The following LNX1 variants were observed in gnomAD, a reference collection of about 807,000 sequenced individuals.
LNX1 encodes E3 ubiquitin-protein ligase LNX.
In LNX1, 54 loss-of-function variants were observed where a neutral mutation model predicts 68.4. The ratio of observed to expected loss-of-function variants is 0.79; its 90% CI spans 0.63 to 0.99. LNX1 has a LOEUF of 0.99. Ranked by LOEUF, LNX1 falls within the 50% of genes least tolerant of loss-of-function variation. The probability of loss-of-function intolerance (pLI) is 0.00; values close to 1 mark genes in which losing one functional copy is unlikely to be tolerated. For synonymous variants in LNX1, 336 were observed against 350.0 expected (o/e 0.96, Z 0.45); for missense variants, 906 against 926.4 (o/e 0.98, Z 0.29).
chr4:53,513,693 T>A (rs557570084), intron 2 of LNX1, among the ~76,000 whole-genome samples: 1 of 152,334 alleles, frequency 6.6e-6, no homozygotes, highest in Admixed American at 6.5e-5. Context: ...CTACTTTTCA[T>A]CATGGCTACT....
intron 9 of LNX1, among the ~76,000 whole-genome samples, chr4:53,465,648 TGTG>T (rs1335080182): frequency 6.6e-6 from 1 of 152,248 alleles, no homozygotes; most frequent in Non-Finnish European, 1.5e-5. Context: ...CAGAGCTAGT[TGTG>T]TTTATTGCCA....
chr4:53,640,208 T>C (rs981731133), intron 1 of LNX1, among the ~76,000 whole-genome samples: 1 of 152,158 alleles, frequency 6.6e-6, no homozygotes, highest in Non-Finnish European at 1.5e-5. Flanking sequence ...TTTGTAGATT[T>C]ACGTATTAAA....
chr4:53,542,446 G>T (rs1359899247), intron 2 of LNX1, among the ~76,000 whole-genome samples: 1 of 152,148 alleles, frequency 6.6e-6, no homozygotes, highest in Non-Finnish European at 1.5e-5. Flanking sequence ...AACTAAGGGG[G>T]CATTAAGCCC....
intron 2 of LNX1, chr4:53,616,497 G>A (rs1436728279): frequency 6.6e-6 from 1 of 152,130 alleles, no homozygotes; most frequent in Non-Finnish European, 1.5e-5. Flanking sequence ...AGAATGAATG[G>A]TCTGATTCAT....
intron 2 of LNX1, among the ~76,000 whole-genome samples, chr4:53,565,229 T>A (rs1386871226): frequency 6.6e-6 from 1 of 152,110 alleles, no homozygotes; most frequent in African/African-American, 2.4e-5. Flanking sequence ...CAGTAACCTC[T>A]GCAGACTTAA....
At chr4:53,588,553 A>G (rs1732312032) in intron 1 of LNX1, among the ~76,000 whole-genome samples, 1 of 152,072 alleles carries the variant, frequency 6.6e-6, no homozygotes, top group Non-Finnish European at 1.5e-5. Context: ...AATGAATAAG[A>G]TTGATATTTT....
chr4:53,645,541 GC>G (rs1423533986), intron 1 of LNX1, among the ~76,000 whole-genome samples: 1 of 152,162 alleles, frequency 6.6e-6, no homozygotes, highest in Admixed American at 6.5e-5. Context: ...AGACATTGAG[GC>G]ACGTTGCAAA....
At chr4:53,577,712 G>A (rs1002209002) in intron 1 of LNX1, among the ~76,000 whole-genome samples, 3 of 151,854 alleles carry the variant, frequency 2.0e-5, no homozygotes, top group African/African-American at 4.8e-5. Context: ...ACCACACCCC[G>A]CCTGCCATTA....
At chr4:53,500,546 T>C (rs772533928) in intron 4 of LNX1, 13 of 152,186 alleles carry the variant, frequency 8.5e-5, no homozygotes, top group South Asian at 8.3e-4. Flanking sequence ...TTTTCCCTAA[T>C]GAATTAATAA....
At chr4:53,504,217 C>CTACAATCAGCATTTGCTGCTTCGT (rs1725711358) in intron 4 of LNX1, among the ~76,000 whole-genome samples, 1 of 152,236 alleles carries the variant, frequency 6.6e-6, no homozygotes, top group Non-Finnish European at 1.5e-5. Context: ...GCTGCAGCTT[C>CTACAATCAGCATTTGCTGCTTCGT]TACAATCAGC....
intron 7 of LNX1, among the ~76,000 whole-genome samples, chr4:53,479,155 T>C (rs1355308941): frequency 2.0e-5 from 3 of 152,198 alleles, no homozygotes; most frequent in African/African-American, 7.2e-5. Flanking sequence ...CCTCCCAAAG[T>C]GCTGGGATTA....
chr4:53,634,591 C>T (rs1734395918), intron 1 of LNX1, among the ~76,000 whole-genome samples: 1 of 151,982 alleles, frequency 6.6e-6, no homozygotes, highest in African/African-American at 2.4e-5. Context: ...TCCCTTTCCT[C>T]TGGGAGTACC....
intron 1 of LNX1, among the ~76,000 whole-genome samples, chr4:53,632,377 T>C (rs1287083770): frequency 6.6e-6 from 1 of 152,228 alleles, no homozygotes; most frequent in Non-Finnish European, 1.5e-5. Context: ...TGGCTGCTGA[T>C]GGCTTATGGC....
At chr4:53,638,923 T>G (rs1395809245) in intron 1 of LNX1, among the ~76,000 whole-genome samples, 6 of 152,190 alleles carry the variant, frequency 3.9e-5, no homozygotes, top group Admixed American at 2.0e-4. Context: ...GGAAAGCAGT[T>G]TGGAGATTTC....
intron 2 of LNX1, among the ~76,000 whole-genome samples, chr4:53,510,776 T>G (rs1430344281): frequency 6.6e-6 from 1 of 152,216 alleles, no homozygotes; most frequent in Non-Finnish European, 1.5e-5. Context: ...GAGGCAGCAA[T>G]GCTCTTGACC....
intron 2 of LNX1, among the ~76,000 whole-genome samples, chr4:53,532,617 T>C (rs1024593386): frequency 5.3e-5 from 8 of 152,158 alleles, no homozygotes; most frequent in Non-Finnish European, 1.0e-4. Context: ...CCATAGGAAA[T>C]TCTCCTCATG....
At chr4:53,605,196 G>A (rs572699651) in intron 2 of LNX1, among the ~76,000 whole-genome samples, 2 of 152,302 alleles carry the variant, frequency 1.3e-5, no homozygotes, top group Admixed American at 6.5e-5. Flanking sequence ...TCACATTGAA[G>A]AGCATGTGGA....
upstream of LNX1, among the ~76,000 whole-genome samples, chr4:53,596,042 A>T (rs1732737863): frequency 6.6e-6 from 1 of 152,210 alleles, no homozygotes; most frequent in Non-Finnish European, 1.5e-5. Context: ...ATTACATACC[A>T]TCATATTGGC....
At chr4:53,569,576 G>A (rs1265092502) in intron 2 of LNX1, among the ~76,000 whole-genome samples, 1 of 147,508 alleles carries the variant, frequency 6.8e-6, no homozygotes, top group African/African-American at 2.5e-5. Flanking sequence ...GAAAACCTAG[G>A]CATTACCATT....
Sources: allele counts gnomAD v4.1 joint callset (sites outside exome capture counted in the v4.1 genomes callset), GRCh38; gene constraint gnomAD v4.1.1; transcripts MANE v1.5; gene names NCBI Gene and HGNC (gene_info 2026-07-23, HGNC 2026-07-21).